Variants in XPR1 observed in about 807,000 individuals in gnomAD.
XPR1 encodes the protein xenotropic and polytropic retrovirus receptor 1, also known as solute carrier family 53 member 1.
XPR1 carries 28 observed loss-of-function variants against 87.5 expected under a neutral mutation model. The observed-to-expected ratio is 0.32, with a 90% CI of 0.24 to 0.44. The LOEUF (loss-of-function observed/expected upper bound fraction) is 0.44. Ranked by LOEUF, XPR1 falls within the 20% of genes least tolerant of loss-of-function variation. The pLI, the probability that XPR1 is intolerant of heterozygous loss-of-function variation, is 1.00. For synonymous variants in XPR1, 300 were observed against 306.1 expected (o/e 0.98, Z 0.21); for missense variants, 559 against 862.3 (o/e 0.65, Z 4.41).
rs535415659 is a variant in XPR1, at chr1:180,741,767, G to A, written c.122-45986G>A. On this transcript the variant is annotated intron_variant, in intron 2 of 14. Coordinates refer to ENST00000367590, the MANE Select transcript of XPR1 (RefSeq NM_004736.4). ...CTTCCAAAGTGTTGGTATTACAGGC[G>A]TGAGCCACCATGCCTGGCCATTTTG... Among the ~76,000 whole-genome samples the A allele has an allele frequency of 5.1e-3, 774 of 152,258 alleles. 7 individuals carry two copies. Among genetic ancestry groups the A allele is most frequent in the African/African-American group, 0.018 (738 of 41,558 alleles).
At chr1:180,832,864 C>T (rs191563276) in intron 9 of XPR1, among the ~76,000 whole-genome samples, 65 of 152,136 alleles carry the variant, frequency 4.3e-4, no homozygotes, top group East Asian at 2.5e-3. Flanking sequence ...TGGTTCCATA[C>T]GAAGTTTGAA....
At chr1:180,733,444 A>C (rs1052083347) in intron 2 of XPR1, among the ~76,000 whole-genome samples, 3 of 152,208 alleles carry the variant, frequency 2.0e-5, no homozygotes, top group Admixed American at 2.0e-4. Flanking sequence ...CAACAAATAC[A>C]GTCAGTATTG....
intron 3 of XPR1, among the ~76,000 whole-genome samples, chr1:180,798,498 C>T (rs1303219607): frequency 1.3e-5 from 2 of 152,136 alleles, no homozygotes; most frequent in Non-Finnish European, 2.9e-5. Context: ...AGACCCGTTC[C>T]ATATTTCCTT....
At chr1:180,816,518 T>G (rs1650419620) in intron 7 of XPR1, among the ~76,000 whole-genome samples, 1 of 152,178 alleles carries the variant, frequency 6.6e-6, no homozygotes, top group Non-Finnish European at 1.5e-5. Context: ...CCAAAAGACA[T>G]GTATGAGAAC....
intron 11 of XPR1, among the ~76,000 whole-genome samples, chr1:180,839,333 C>A (rs1465513980): frequency 6.6e-6 from 1 of 152,150 alleles, no homozygotes; most frequent in East Asian, 1.9e-4. Context: ...AACTTTCTAA[C>A]CTAGACAGTA....
chr1:180,817,887 T>C (rs1476010508), intron 7 of XPR1, among the ~76,000 whole-genome samples: 1 of 152,168 alleles, frequency 6.6e-6, no homozygotes, highest in Non-Finnish European at 1.5e-5. Flanking sequence ...TGTTGTATAC[T>C]TATGATTTAT....
chr1:180,709,010 C>T (rs1048377808), intron 2 of XPR1, among the ~76,000 whole-genome samples: 1 of 148,880 alleles, frequency 6.7e-6, no homozygotes, highest in Non-Finnish European at 1.5e-5. Flanking sequence ...CTCCCAGGTT[C>T]AAGCAGTTCT....
intron 2 of XPR1, among the ~76,000 whole-genome samples, chr1:180,780,943 A>G (rs1039536256): frequency 5.9e-5 from 9 of 151,904 alleles, no homozygotes; most frequent in African/African-American, 2.2e-4. Context: ...ATAAAGTTCA[A>G]TCTATCAATT....
intron 2 of XPR1, among the ~76,000 whole-genome samples, chr1:180,728,303 G>GT (rs1491374289): frequency 2.8e-5 from 4 of 145,212 alleles, no homozygotes; most frequent in Non-Finnish European, 4.6e-5. Context: ...TAACTGGGGG[G>GT]GGGGGTAGTA....
At chr1:180,811,859 G>A (rs971929879) in intron 7 of XPR1, among the ~76,000 whole-genome samples, 5 of 152,054 alleles carry the variant, frequency 3.3e-5, no homozygotes, top group Non-Finnish European at 5.9e-5. Context: ...CTTTCACTTT[G>A]CTTATTGGAG....
intron 2 of XPR1, among the ~76,000 whole-genome samples, chr1:180,762,596 A>G (rs1421302665): frequency 6.6e-6 from 1 of 152,216 alleles, no homozygotes; most frequent in Non-Finnish European, 1.5e-5. Context: ...GCTGGCCTTA[A>G]CTTTTTAAAG....
At chr1:180,829,091 G>A (rs917676349) in intron 9 of XPR1, among the ~76,000 whole-genome samples, 2 of 152,142 alleles carry the variant, frequency 1.3e-5, no homozygotes, top group Non-Finnish European at 2.9e-5. Context: ...AGTTACTTGG[G>A]AGGCTGAGGG....
At chr1:180,658,628 G>A (rs558595867) in intron 1 of XPR1, among the ~76,000 whole-genome samples, 10 of 151,972 alleles carry the variant, frequency 6.6e-5, no homozygotes, top group African/African-American at 1.2e-4. Context: ...GCAGTGGCGC[G>A]ATCTTGGCTC....
intron 2 of XPR1, among the ~76,000 whole-genome samples, chr1:180,717,803 T>C (rs904210085): frequency 6.6e-6 from 1 of 152,114 alleles, no homozygotes; most frequent in Non-Finnish European, 1.5e-5. Flanking sequence ...ACTATAGAAA[T>C]TGGCAAACCT....
chr1:180,862,087 A>G (rs980327817), intron 11 of XPR1, among the ~76,000 whole-genome samples: 1 of 152,160 alleles, frequency 6.6e-6, no homozygotes, highest in Non-Finnish European at 1.5e-5. Context: ...GAGTTTGACA[A>G]CCAGCTTCCA....
intron 1 of XPR1, among the ~76,000 whole-genome samples, chr1:180,680,424 G>T (rs1273297768): frequency 7.4e-6 from 1 of 135,728 alleles, no homozygotes; most frequent in Admixed American, 8.5e-5. Flanking sequence ...GGGATGCAGT[G>T]GTGCGATCTT....
chr1:180,684,761 G>A (rs1274577531), intron 2 of XPR1, among the ~76,000 whole-genome samples: 14 of 152,156 alleles, frequency 9.2e-5, no homozygotes, highest in East Asian at 5.8e-4. Context: ...TGGTGAATGG[G>A]AGTTCACTCA....
chr1:180,745,865 T>G (rs1659072101), intron 2 of XPR1, among the ~76,000 whole-genome samples: 1 of 152,210 alleles, frequency 6.6e-6, no homozygotes, highest in Admixed American at 6.5e-5. Flanking sequence ...ATGAATTCAC[T>G]GGGAGAGACA....
At chr1:180,688,572 A>T (rs1430947224) in intron 2 of XPR1, among the ~76,000 whole-genome samples, 1 of 152,150 alleles carries the variant, frequency 6.6e-6, no homozygotes, top group Non-Finnish European at 1.5e-5. Flanking sequence ...AACAAATTAT[A>T]TTAAACTGCA....
Sources: allele counts gnomAD v4.1 joint callset (sites outside exome capture counted in the v4.1 genomes callset), GRCh38; gene constraint gnomAD v4.1.1; transcripts MANE v1.5; gene names NCBI Gene and HGNC (gene_info 2026-07-23, HGNC 2026-07-21).